Variants in CCDC170 observed in about 807,000 individuals in gnomAD.
The protein encoded by CCDC170 is coiled-coil domain containing 170.
CCDC170 carries 69 observed loss-of-function variants against 72.6 expected under a neutral mutation model. That is an observed-to-expected ratio of 0.95 (90% confidence interval 0.78 to 1.16). CCDC170 has a LOEUF of 1.16. CCDC170 is among the 50% of genes most tolerant of loss of function. The pLI, the probability that CCDC170 is intolerant of heterozygous loss-of-function variation, is 0.00. For synonymous variants in CCDC170, 300 were observed against 303.9 expected (o/e 0.99, Z 0.13); for missense variants, 852 against 832.5 (o/e 1.02, Z -0.29).
chr6:151,502,530 A>G (rs1782006490), intron 1 of CCDC170, among the ~76,000 whole-genome samples: 1 of 152,242 alleles, frequency 6.6e-6, no homozygotes, highest in Non-Finnish European at 1.5e-5. Context: ...TATCTGTGCA[A>G]GAAGGAACAA....
intron 7 of CCDC170, among the ~76,000 whole-genome samples, chr6:151,592,264 G>T (rs892979871): frequency 6.6e-6 from 1 of 152,158 alleles, no homozygotes; most frequent in African/African-American, 2.4e-5. Context: ...GGAGGCTGAG[G>T]CAGGAGAATT....
chr6:151,619,513 C>T lies in CCDC170; in HGVS notation c.*1366C>T, dbSNP rs931489337. The T allele has an allele frequency of 2.0e-5, 3 of 152,026 alleles. No homozygotes were observed. The highest frequency in any genetic ancestry group is 6.6e-5 in the Admixed American group (1 of 15,258). 9.4% of individuals were successfully genotyped at this position (152,026 alleles called of 1,614,324 possible). ...TTTTTTATTGTCCTTAAAAGAAGCTCTAGCATGAAATTAAAGGAAAGGGAA... is the reference window on the plus strand; with the variant it reads ...TTTTTTATTGTCCTTAAAAGAAGCTTTAGCATGAAATTAAAGGAAAGGGAA... On this transcript the variant is annotated 3_prime_UTR_variant, in exon 11 of 11. Transcript: ENST00000239374.
chr6:151,536,233 C>A, intron 1 of CCDC170, 85 bp from the exon 2 acceptor site: 1 of 1,475,872 alleles, frequency 6.8e-7, no homozygotes, highest in Non-Finnish European at 9.4e-7. Context: ...AATGCTTCTG[C>A]CTTTAATCTG....
Position 151,604,372 on chromosome 6 carries a change from C to A in CCDC170, c.1710+7795C>A, listed in dbSNP as rs149389640. Among the ~76,000 whole-genome samples the A allele has an allele frequency of 9.8e-3, 1,491 of 152,204 alleles. 19 individuals are homozygous for A. The highest frequency in any genetic ancestry group is 0.033 in the African/African-American group (1,383 of 41,522). On this transcript the variant is annotated intron_variant, in intron 9 of 10. Coordinates refer to ENST00000239374, the MANE Select transcript of CCDC170 (RefSeq NM_025059.4). Reference sequence around the variant, plus strand: ...TTCTGAACGTATACAGCAAGCAGATCTCCAGCAAGAGGCATGCTCCTGGGG... The same window carrying A: ...TTCTGAACGTATACAGCAAGCAGATATCCAGCAAGAGGCATGCTCCTGGGG...
intron 1 of CCDC170, among the ~76,000 whole-genome samples, chr6:151,495,448 T>C (rs929913057): frequency 3.9e-5 from 6 of 152,068 alleles, no homozygotes; most frequent in African/African-American, 1.4e-4. Context: ...ATCATGATTC[T>C]TTCTTTCTCT....
chr6:151,604,976 T>C (rs1251777668), intron 9 of CCDC170, among the ~76,000 whole-genome samples: 1 of 152,192 alleles, frequency 6.6e-6, no homozygotes, highest in Non-Finnish European at 1.5e-5. Context: ...TATAGTGCTT[T>C]AGAACGCTAA....
At chr6:151,549,243 G>A (rs1173340200) in intron 5 of CCDC170, among the ~76,000 whole-genome samples, 1 of 151,970 alleles carries the variant, frequency 6.6e-6, no homozygotes, top group Non-Finnish European at 1.5e-5. Context: ...CACCATGTTA[G>A]CCAGGCTGGT....
At chr6:151,544,909 C>T (rs1213718654) in intron 4 of CCDC170, among the ~76,000 whole-genome samples, 193 bp downstream of exon 4, 2 of 152,080 alleles carry the variant, frequency 1.3e-5, no homozygotes, top group African/African-American at 4.8e-5. Flanking sequence ...TCTTTTCTAG[C>T]ATTATTGGAA....
intron 5 of CCDC170, among the ~76,000 whole-genome samples, chr6:151,569,053 A>C (rs998479283): frequency 1.3e-5 from 2 of 152,190 alleles, no homozygotes; most frequent in African/African-American, 4.8e-5. Flanking sequence ...GCAATGTATG[A>C]GACTACCTGT....
In CCDC170 at chr6:151,494,111, C is replaced by T. The variant is rs1781873369; in HGVS notation, c.-18C>T. ...GGGCCGGTTCCGGGTCCGAGCGCGC[C>T]CCCGGGCTCGGGTCGTCATGAGCCT... On this transcript the variant is annotated 5_prime_UTR_variant, in exon 1 of 11. Coordinates refer to ENST00000239374, the MANE Select transcript of CCDC170 (RefSeq NM_025059.4). 2 of 1,495,390 alleles carry T rather than the reference C, an allele frequency of 1.3e-6. No individual in the cohort carries two copies. Among genetic ancestry groups the T allele is most frequent in the East Asian group, 5.8e-5 (2 of 34,288 alleles). 92.6% of individuals were successfully genotyped at this position (1,495,390 alleles called of 1,614,324 possible). A position where few individuals can be genotyped will look rare whatever the true frequency, so the allele number is the denominator to read the frequency against.
At chr6:151,595,000 T>G (rs900196) in intron 8 of CCDC170, among the ~76,000 whole-genome samples, 149,428 of 152,306 alleles carry the variant, frequency 0.98, 73,325 homozygotes, top group East Asian at 1. Flanking sequence ...TTTGATTAGA[T>G]AAATATTAAA....
At chr6:151,512,912 G>A (rs1782169126) in intron 1 of CCDC170, among the ~76,000 whole-genome samples, 1 of 152,194 alleles carries the variant, frequency 6.6e-6, no homozygotes, top group South Asian at 2.1e-4. Flanking sequence ...AACTGATTAA[G>A]CAGTGACCCT....
At chr6:151,494,796 C>A (rs1391578878) in intron 1 of CCDC170, among the ~76,000 whole-genome samples, 1 of 151,756 alleles carries the variant, frequency 6.6e-6, no homozygotes, top group Non-Finnish European at 1.5e-5. Flanking sequence ...CAGGCACATA[C>A]GCGAACAAAC....
At chr6:151,495,400 A>AT (rs986907038) in intron 1 of CCDC170, among the ~76,000 whole-genome samples, 7 of 151,170 alleles carry the variant, frequency 4.6e-5, no homozygotes, top group Middle Eastern at 3.4e-3. Context: ...ATTAATATAT[A>AT]TTTTTTTTGG....
chr6:151,508,996 C>T (rs1360594013), intron 1 of CCDC170, among the ~76,000 whole-genome samples: 1 of 119,368 alleles, frequency 8.4e-6, no homozygotes, highest in Non-Finnish European at 1.7e-5. Flanking sequence ...GCCTGGGCAA[C>T]AAGAGCGAAA....
chr6:151,498,847 G>T (rs1222641927), intron 1 of CCDC170, among the ~76,000 whole-genome samples: 3 of 152,012 alleles, frequency 2.0e-5, no homozygotes, highest in Non-Finnish European at 4.4e-5. Context: ...GACTATTCTA[G>T]GCACGCTGTA....
At chr6:151,533,087 T>C (rs1375173470) in intron 1 of CCDC170, among the ~76,000 whole-genome samples, 2 of 148,324 alleles carry the variant, frequency 1.3e-5, no homozygotes, top group Non-Finnish European at 3.0e-5. Context: ...GGAGTCTCGC[T>C]CTGTCACCCA....
rs113273736 is a variant in CCDC170, at chr6:151,557,588, T to C, written c.774+9099T>C. 1.8e-3 allele frequency among the ~76,000 whole-genome samples: 268 copies of C among 152,222 alleles called. 2 individuals carry two copies. Among genetic ancestry groups the C allele is most frequent in the African/African-American group, 5.9e-3 (244 of 41,514 alleles). On this transcript the variant is annotated intron_variant, in intron 5 of 10. Transcript: ENST00000239374. ...ATTGCTGGATGTGTGGTATTTACAT[T>C]TTTAGTTTTTTTAAGAAATCTCCAT...
rs71014597 is a variant in CCDC170, at chr6:151,552,779, CTTTTTTTTTTT to C, written c.774+4308_774+4318del. Reference sequence around the variant, plus strand: ...CTAAAACCAGCCAAATCAGCCAATTCTTTTTTTTTTTTTTTTTTTTTTTTTTTTGAGACAGA... The same window carrying C: ...CTAAAACCAGCCAAATCAGCCAATTCTTTTTTTTTTTTTTTTTGAGACAGA... On this transcript the variant is annotated intron_variant, in intron 5 of 10. Transcript: ENST00000239374. Among the ~76,000 whole-genome samples, 5 of 56,766 alleles carry C rather than the reference CTTTTTTTTTTT, an allele frequency of 8.8e-5. No individual in the cohort carries two copies. In the South Asian group the frequency reaches 4.5e-3, roughly 51 times the overall value. The allele number at this position is 56,766 out of a possible 152,430, so 37.2% of individuals were successfully genotyped here.
Sources: allele counts gnomAD v4.1 joint callset (sites outside exome capture counted in the v4.1 genomes callset), GRCh38; gene constraint gnomAD v4.1.1; transcripts MANE v1.5; gene names NCBI Gene and HGNC (gene_info 2026-07-23, HGNC 2026-07-21).